The following PALM2AKAP2 variants were observed in gnomAD, a reference collection of about 807,000 sequenced individuals.
PALM2AKAP2 encodes PALM2 and AKAP2 fusion, also known as PALM2-AKAP2 fusion protein.
PALM2AKAP2 carries 37 observed loss-of-function variants against 71.5 expected under a neutral mutation model. The ratio of observed to expected loss-of-function variants is 0.52; its 90% CI spans 0.40 to 0.68. PALM2AKAP2 has a LOEUF of 0.68. Among genes scored for constraint, PALM2AKAP2 ranks in the 30% least tolerant of loss-of-function variants. The pLI is 0.00. For synonymous variants in PALM2AKAP2, 468 were observed against 478.8 expected, an observed-to-expected ratio of 0.98 and a Z score of 0.29; for missense variants, 1,224 against 1,191.8, an observed-to-expected ratio of 1.03 and a Z score of -0.40.
At chr9:110,086,949 T>A (rs890717289) in intron 1 of PALM2AKAP2, among the ~76,000 whole-genome samples, 2 of 152,216 alleles carry the variant, frequency 1.3e-5, no homozygotes, top group African/African-American at 4.8e-5. Context: ...TTGCTCTGGC[T>A]TTATTTCTTG....
At chr9:109,888,459 A>G (rs1830014577) in intron 3 of PALM2AKAP2, among the ~76,000 whole-genome samples, 1 of 152,282 alleles carries the variant, frequency 6.6e-6, no homozygotes, top group Admixed American at 6.5e-5. Context: ...CTGTAATCCC[A>G]GCACTTTGGG....
intron 1 of PALM2AKAP2, among the ~76,000 whole-genome samples, chr9:109,853,803 G>A (rs918501209): frequency 6.6e-6 from 1 of 152,212 alleles, no homozygotes; most frequent in Non-Finnish European, 1.5e-5. Context: ...GGGTATTACA[G>A]TTTTTAAACT....
intron 1 of PALM2AKAP2, among the ~76,000 whole-genome samples, chr9:109,772,500 A>G (rs956611154): frequency 6.6e-6 from 1 of 152,214 alleles, no homozygotes; most frequent in Non-Finnish European, 1.5e-5. Context: ...AAAAGATCCA[A>G]GTTTTTCTGT....
chr9:110,127,487 G>A (rs970065590), intron 1 of PALM2AKAP2, among the ~76,000 whole-genome samples: 1 of 152,130 alleles, frequency 6.6e-6, no homozygotes, highest in Non-Finnish European at 1.5e-5. Flanking sequence ...CTGCTCGGGG[G>A]ATGGAAGAGG....
chr9:109,788,809 A>G (rs1311568229), intron 1 of PALM2AKAP2, among the ~76,000 whole-genome samples: 1 of 152,082 alleles, frequency 6.6e-6, no homozygotes, highest in Non-Finnish European at 1.5e-5. Flanking sequence ...GCGGTGGCGC[A>G]CTCCCATAGT....
intron 1 of PALM2AKAP2, among the ~76,000 whole-genome samples, chr9:109,812,004 C>T (rs1238414134): frequency 6.6e-6 from 1 of 152,214 alleles, no homozygotes; most frequent in Non-Finnish European, 1.5e-5. Flanking sequence ...ACTGGCCCTG[C>T]CCCAAAGGCT....
chr9:110,161,830 A>T (rs1251625635), intron 3 of PALM2AKAP2, among the ~76,000 whole-genome samples: 1 of 152,010 alleles, frequency 6.6e-6, no homozygotes, highest in Non-Finnish European at 1.5e-5. Flanking sequence ...AAGTACAGAA[A>T]CTGAAAGCAA....
At chr9:109,976,065 A>G (rs955663167) in intron 6 of PALM2AKAP2, among the ~76,000 whole-genome samples, 4 of 152,254 alleles carry the variant, frequency 2.6e-5, no homozygotes, top group Non-Finnish European at 5.9e-5. Flanking sequence ...TCCAAGTTTT[A>G]CTGGAACGGA....
intron 1 of PALM2AKAP2, among the ~76,000 whole-genome samples, chr9:109,846,468 T>C (rs1373703505): frequency 6.6e-6 from 1 of 152,198 alleles, no homozygotes; most frequent in Non-Finnish European, 1.5e-5. Flanking sequence ...CTCACCAAGC[T>C]GTGTGATTTA....
intron 1 of PALM2AKAP2, among the ~76,000 whole-genome samples, chr9:109,743,813 A>G (rs182548101): frequency 2.8e-4 from 43 of 152,288 alleles, no homozygotes; most frequent in African/African-American, 1.0e-3. Context: ...TCTTTCTTTT[A>G]TTTACATTCC....
intron 7 of PALM2AKAP2, among the ~76,000 whole-genome samples, chr9:110,021,859 A>G (rs1833079623): frequency 6.6e-6 from 1 of 152,184 alleles, no homozygotes. Context: ...TTCAGAATTC[A>G]GATTCAGAAG....
intron 1 of PALM2AKAP2, among the ~76,000 whole-genome samples, chr9:110,075,944 C>T (rs1410172342): frequency 1.3e-5 from 2 of 151,800 alleles, no homozygotes; most frequent in East Asian, 3.9e-4. Flanking sequence ...TATCATGCCC[C>T]TTTATATTAC....
intron 1 of PALM2AKAP2, among the ~76,000 whole-genome samples, chr9:110,056,529 C>A (rs1379688701): frequency 1.3e-5 from 2 of 152,194 alleles, no homozygotes; most frequent in Non-Finnish European, 2.9e-5. Context: ...AGTCCATGTG[C>A]CATGTGCTGT....
Position 109,917,986 on chromosome 9 carries a change from A to G in PALM2AKAP2, c.258-5749A>G, listed in dbSNP as rs570205591. On this transcript the variant is annotated intron_variant, in intron 3 of 9. Coordinates refer to the PALM2AKAP2 transcript ENST00000302798. ...AGTTTGGAAGAGGGGGAGAATAGAT[A>G]TTGAGAAGACCACTCAGCGTCCCCA... 6.0e-4 allele frequency among the ~76,000 whole-genome samples: 92 copies of G among 152,322 alleles called. 1 individual carries two copies. The highest frequency in any genetic ancestry group is 2.1e-3 in the African/African-American group (89 of 41,584).
intron 1 of PALM2AKAP2, among the ~76,000 whole-genome samples, chr9:109,764,944 A>T (rs1026941202): frequency 1.3e-5 from 2 of 152,258 alleles, no homozygotes; most frequent in Non-Finnish European, 2.9e-5. Context: ...AGGAATGTGG[A>T]TACTCAGGAT....
rs567673505 is a variant in PALM2AKAP2 at position 110,155,834 on chromosome 9, A to C, written c.2570-485A>C. Among the ~76,000 whole-genome samples, 170 of 152,322 alleles carry C rather than the reference A, an allele frequency of 1.1e-3. 1 individual carries two copies. Among genetic ancestry groups the C allele is most frequent in the African/African-American group, 3.9e-3 (161 of 41,564 alleles). ...CAGCAGACAATTGACTTCCTCTGCT[A>C]TAGAGGATAGACCCTGGTGAGGAAA... On this transcript the variant is annotated intron_variant, in intron 2 of 3. Transcript: ENST00000374525.
At chr9:110,135,164 A>AAAAAAAAAAAAAATATATAT in intron 1 of PALM2AKAP2, among the ~76,000 whole-genome samples, 1 of 51,734 alleles carries the variant, frequency 1.9e-5, no homozygotes, top group African/African-American at 7.3e-5. Flanking sequence ...AAAAAAAAAA[A>AAAAAAAAAAAAAATATATAT]ATATATAAAT....
rs2132263111 is a variant in PALM2AKAP2 at position 109,998,005 on chromosome 9, T to C, written c.497-17949T>C. 1.3e-5 allele frequency among the ~76,000 whole-genome samples: 2 copies of C among 152,302 alleles called. 1 individual carries two copies. The highest frequency in any genetic ancestry group is 4.1e-4 in the South Asian group (2 of 4,822). ...CAAGAACAAAGTGAGATTTTAAAAATCCACAGGGTTACTTGGAGCCAAAGG... is the reference window on the plus strand; with the variant it reads ...CAAGAACAAAGTGAGATTTTAAAAACCCACAGGGTTACTTGGAGCCAAAGG... On this transcript the variant is annotated intron_variant, in intron 6 of 9. Coordinates refer to the PALM2AKAP2 transcript ENST00000302798.
chr9:109,741,236 G>T (rs1828712030), intron 1 of PALM2AKAP2, among the ~76,000 whole-genome samples: 1 of 152,122 alleles, frequency 6.6e-6, no homozygotes, highest in Admixed American at 6.5e-5. Flanking sequence ...TTTTGAGTCT[G>T]GGTTTCTTTC....
Sources: allele counts gnomAD v4.1 joint callset (sites outside exome capture counted in the v4.1 genomes callset), GRCh38; gene constraint gnomAD v4.1.1; transcripts MANE v1.5; gene names NCBI Gene and HGNC (gene_info 2026-07-23, HGNC 2026-07-21).